Variants in GRIK4 observed in about 807,000 individuals in gnomAD.
GRIK4 encodes the protein glutamate receptor ionotropic, kainate 4.
In GRIK4, 40 loss-of-function variants were observed where a neutral mutation model predicts 104.9. That is an observed-to-expected ratio of 0.38 (90% CI 0.30 to 0.50). GRIK4 has a LOEUF of 0.50. Among genes scored for constraint, GRIK4 ranks in the 20% least tolerant of loss-of-function variants. GRIK4 has a pLI of 0.93. For synonymous variants in GRIK4, 485 were observed against 524.9 expected (o/e 0.92, Z 1.04); for missense variants, 1,047 against 1,308.1 (o/e 0.80, Z 3.08).
chr11:120,719,846 TC>T (rs1950898653), intron 3 of GRIK4, among the ~76,000 whole-genome samples: 1 of 152,216 alleles, frequency 6.6e-6, no homozygotes, highest in Non-Finnish European at 1.5e-5. Flanking sequence ...CTAAGGCACT[TC>T]TACCGCAGAG....
intron 6 of GRIK4, among the ~76,000 whole-genome samples, chr11:120,829,512 G>A (rs1191284983): frequency 6.6e-6 from 1 of 152,162 alleles, no homozygotes. Context: ...TCTCTGCCTG[G>A]TGTCCTGTCT....
At chr11:120,712,306 T>C (rs1950748628) in intron 3 of GRIK4, among the ~76,000 whole-genome samples, 1 of 152,084 alleles carries the variant, frequency 6.6e-6, no homozygotes, top group Non-Finnish European at 1.5e-5. Flanking sequence ...TGACAGAAAA[T>C]GAGACCGGAC....
chr11:120,793,378 T>C (rs746534860), intron 3 of GRIK4, among the ~76,000 whole-genome samples: 14 of 151,958 alleles, frequency 9.2e-5, no homozygotes, highest in Admixed American at 6.6e-4. Flanking sequence ...CCTTGACTGT[T>C]AGCACAGGGG....
intron 7 of GRIK4, among the ~76,000 whole-genome samples, chr11:120,834,849 C>T (rs376932818): frequency 6.6e-5 from 10 of 152,336 alleles, no homozygotes; most frequent in East Asian, 5.8e-4. Flanking sequence ...TTTCACAAAG[C>T]GGGTTTTAGC....
intron 3 of GRIK4, among the ~76,000 whole-genome samples, chr11:120,787,980 G>C (rs1010063544): frequency 1.4e-5 from 2 of 144,426 alleles, no homozygotes; most frequent in Non-Finnish European, 3.0e-5. Flanking sequence ...ATTCTCCTGC[G>C]TCAGCCTCCC....
At chr11:120,707,126 G>T (rs748502484) in intron 3 of GRIK4, among the ~76,000 whole-genome samples, 2 of 152,186 alleles carry the variant, frequency 1.3e-5, no homozygotes, top group African/African-American at 4.8e-5. Flanking sequence ...GGAGGATACG[G>T]CAGTGTGATG....
intron 3 of GRIK4, among the ~76,000 whole-genome samples, chr11:120,783,377 C>T (rs992442461): frequency 3.9e-5 from 6 of 152,006 alleles, no homozygotes; most frequent in Non-Finnish European, 4.4e-5. Flanking sequence ...TTCTGTTCTC[C>T]CCCTTTCTTC....
At chr11:120,704,725 A>C (rs1423201402) in intron 3 of GRIK4, among the ~76,000 whole-genome samples, 1 of 150,372 alleles carries the variant, frequency 6.7e-6, no homozygotes, top group Non-Finnish European at 1.5e-5. Flanking sequence ...GTACAACATA[A>C]CTCTGCAAAC....
At chr11:120,553,268 G>A (rs1948156838) in intron 1 of GRIK4, among the ~76,000 whole-genome samples, 1 of 152,184 alleles carries the variant, frequency 6.6e-6, no homozygotes, top group Non-Finnish European at 1.5e-5. Flanking sequence ...TCCAGGACAG[G>A]AGCCTTCTGA....
chr11:120,878,548 C>T (rs147355069), intron 11 of GRIK4, among the ~76,000 whole-genome samples: 1 of 152,244 alleles, frequency 6.6e-6, no homozygotes, highest in East Asian at 1.9e-4. Flanking sequence ...CCTTCGGCTA[C>T]TCTAAGGGAC....
chr11:120,612,745 C>G (rs1565573561), intron 1 of GRIK4, among the ~76,000 whole-genome samples: 1 of 152,158 alleles, frequency 6.6e-6, no homozygotes, highest in East Asian at 1.9e-4. Flanking sequence ...CATTATCGGG[C>G]TACTTTGTGG....
intron 1 of GRIK4, among the ~76,000 whole-genome samples, chr11:120,648,458 G>A (rs1330156065): frequency 6.6e-6 from 1 of 152,212 alleles, no homozygotes; most frequent in Non-Finnish European, 1.5e-5. Flanking sequence ...GGATCTTTGA[G>A]GTGAGAATCA....
chr11:120,962,404 C>T (rs1342282493), intron 17 of GRIK4, 52 bp from the exon 18 acceptor site: 3 of 1,304,476 alleles, frequency 2.3e-6, no homozygotes, highest in East Asian at 2.4e-5. Context: ...CTTTTTAAGC[C>T]AACGTTTCCT....
chr11:120,956,777 C>G lies in GRIK4; in HGVS notation c.1701-3C>G, dbSNP rs758963266. On this transcript the variant is annotated splice_region_variant and splice_polypyrimidine_tract_variant and intron_variant, in intron 15 of 20. Coordinates refer to ENST00000527524, the MANE Select transcript of GRIK4 (RefSeq NM_014619.5). The surrounding 1 kb of genome is among the most constrained non-coding windows in gnomAD (Gnocchi z 4.6). ...ACTAGTGTATGTTCCTTTTCTCCCA[C>G]AGGTTGACGCCCTACGAGTGGTACA... The G allele has an allele frequency of 1.2e-5, 18 of 1,562,536 alleles. No individual in the cohort carries two copies. The highest frequency in any genetic ancestry group is 1.5e-5 in the Non-Finnish European group (17 of 1,147,808).
At chr11:120,519,731 G>A (rs1168173731) in intron 1 of GRIK4, among the ~76,000 whole-genome samples, 1 of 152,156 alleles carries the variant, frequency 6.6e-6, no homozygotes, top group Non-Finnish European at 1.5e-5. Flanking sequence ...ATGTACCCAG[G>A]CAGTGTGATT....
chr11:120,775,882 T>C (rs1952032436), intron 3 of GRIK4, among the ~76,000 whole-genome samples: 1 of 152,224 alleles, frequency 6.6e-6, no homozygotes, highest in African/African-American at 2.4e-5. Context: ...GGGGTATTTG[T>C]GAGATACTTT....
intron 1 of GRIK4, among the ~76,000 whole-genome samples, chr11:120,652,068 C>T (rs1351028299): frequency 6.6e-6 from 1 of 152,156 alleles, no homozygotes; most frequent in African/African-American, 2.4e-5. Context: ...ACAACCTCTC[C>T]GCCTTTGAGT....
chr11:120,635,140 C>T (rs764623080), intron 1 of GRIK4, among the ~76,000 whole-genome samples: 3 of 152,150 alleles, frequency 2.0e-5, no homozygotes, highest in African/African-American at 2.4e-5. Context: ...TGCAAAGGGT[C>T]GGGTTCCTTC....
intron 13 of GRIK4, among the ~76,000 whole-genome samples, chr11:120,914,033 C>T (rs1379471857): frequency 6.6e-6 from 1 of 152,222 alleles, no homozygotes; most frequent in African/African-American, 2.4e-5. Flanking sequence ...CAGCCGAGCT[C>T]AGCGAGGGCT....
Sources: allele counts gnomAD v4.1 joint callset (sites outside exome capture counted in the v4.1 genomes callset), GRCh38; gene constraint gnomAD v4.1.1; non-coding constraint Gnocchi (gnomAD v3.1); transcripts MANE v1.5; gene names NCBI Gene and HGNC (gene_info 2026-07-23, HGNC 2026-07-21).